DYNC2H1: variants seen among roughly 807,000 people sequenced by gnomAD.
DYNC2H1 encodes the protein cytoplasmic dynein 2 heavy chain 1.
Under a neutral mutation model 570.0 loss-of-function variants are expected in DYNC2H1, and 410 were observed. That is an observed-to-expected ratio of 0.72 (90% CI 0.66 to 0.78). The LOEUF (loss-of-function observed/expected upper bound fraction) is 0.78, where lower values mean the gene tolerates loss of function less well. Ranked by LOEUF, DYNC2H1 falls within the 30% of genes least tolerant of loss-of-function variation. DYNC2H1 has a pLI of 0.00. For missense variants in DYNC2H1, 4,865 were observed against 5,046.4 expected, an observed-to-expected ratio of 0.96 and a Z score of 1.09; for synonymous variants, 1,688 against 1,677.6, an observed-to-expected ratio of 1.01 and a Z score of -0.15.
chr11:103,207,581 G>A (rs975414019), intron 52 of DYNC2H1, among the ~76,000 whole-genome samples: 2 of 152,114 alleles, frequency 1.3e-5, no homozygotes, highest in African/African-American at 4.8e-5. Context: ...GGGAAAGAAT[G>A]AGGGAGGAGG....
chr11:103,171,405 G>A (rs555787038), intron 34 of DYNC2H1, among the ~76,000 whole-genome samples: 4 of 151,880 alleles, frequency 2.6e-5, no homozygotes, highest in African/African-American at 9.7e-5. Context: ...ACAGGTGCCC[G>A]CCACCACGCC....
intron 31 of DYNC2H1, among the ~76,000 whole-genome samples, chr11:103,166,707 AT>A (rs1408047455): frequency 6.6e-6 from 1 of 152,124 alleles, no homozygotes; most frequent in Non-Finnish European, 1.5e-5. Context: ...TTATTCTTCT[AT>A]AAGTAATACA....
rs185502802 is a variant in DYNC2H1, at chr11:103,157,337, C to T, written c.4127+567C>T. On this transcript the variant is annotated intron_variant, in intron 26 of 88. Transcript: ENST00000375735. This position sits in a 1 kb window ranked among gnomAD's most constrained non-coding sequence, Gnocchi z 4.2. ...CTGAGGTCTCCTCAACTTACATGTA[C>T]AGCCCATATTTCTCTTCTGAGCTCC... 6.6e-6 allele frequency among the ~76,000 whole-genome samples: 1 copy of T among 152,344 alleles called. No homozygotes were observed. Among genetic ancestry groups the T allele is most frequent in the Admixed American group, 6.5e-5 (1 of 15,300 alleles).
intron 54 of DYNC2H1, among the ~76,000 whole-genome samples, chr11:103,213,342 C>T (rs1468827061): frequency 6.6e-6 from 1 of 152,092 alleles, no homozygotes; most frequent in Non-Finnish European, 1.5e-5. Flanking sequence ...TAGTGAGTTA[C>T]CCCTTGCTTG....
intron 65 of DYNC2H1, among the ~76,000 whole-genome samples, chr11:103,247,295 A>C (rs1190712316): frequency 6.6e-6 from 1 of 152,016 alleles, no homozygotes; most frequent in Non-Finnish European, 1.5e-5. Flanking sequence ...TTTGTGGTTG[A>C]TTCTTTTAGT....
intron 83 of DYNC2H1, among the ~76,000 whole-genome samples, chr11:103,359,073 G>C (rs1475931435): frequency 6.6e-6 from 1 of 152,154 alleles, no homozygotes; most frequent in Non-Finnish European, 1.5e-5. Context: ...TCCAGAGTTT[G>C]GGGGAAGATT....
chr11:103,376,668 GT>G (rs1941406432), intron 83 of DYNC2H1, among the ~76,000 whole-genome samples: 2 of 152,108 alleles, frequency 1.3e-5, no homozygotes, highest in Admixed American at 6.6e-5. Flanking sequence ...TGTAGCTGCT[GT>G]TTTTTCACCA....
rs1945183227 is a variant in DYNC2H1, at chr11:103,465,993, ATGTT to A, written c.12649-2593_12649-2590del. ...AGGGGTGCATATTAGGAGGAGAGGAATGTTTGACCATATTTTTCACTGTGTCACA... is the reference window on the plus strand; with the variant it reads ...AGGGGTGCATATTAGGAGGAGAGGAATGACCATATTTTTCACTGTGTCACA... On this transcript the variant is annotated intron_variant, in intron 87 of 88. Coordinates refer to ENST00000375735, the MANE Select transcript of DYNC2H1 (RefSeq NM_001377.3). This position sits in a 1 kb window ranked among gnomAD's most constrained non-coding sequence, Gnocchi z 4.9. Among the ~76,000 whole-genome samples the A allele has an allele frequency of 1.3e-5, 2 of 152,158 alleles. No individual in the cohort carries two copies. Among genetic ancestry groups the A allele is most frequent in the South Asian group, 4.1e-4 (2 of 4,830 alleles).
At chr11:103,386,835 A>AT (rs1357343025) in intron 83 of DYNC2H1, among the ~76,000 whole-genome samples, 1 of 151,974 alleles carries the variant, frequency 6.6e-6, no homozygotes, top group African/African-American at 2.4e-5. Context: ...TGAACTCATC[A>AT]TTTTTTGTGG....
At chr11:103,408,581 C>T (rs1163931661) in intron 84 of DYNC2H1, among the ~76,000 whole-genome samples, 1 of 151,962 alleles carries the variant, frequency 6.6e-6, no homozygotes, top group Non-Finnish European at 1.5e-5. Flanking sequence ...TAGATAGAAA[C>T]CGACCTGGAT....
chr11:103,307,755 G>T lies in DYNC2H1; in HGVS notation c.11417G>T (p.Arg3806Leu). 6.2e-7 allele frequency: 1 copy of T among 1,604,418 alleles called. No individual in the cohort carries two copies. Among genetic ancestry groups the T allele is most frequent in the South Asian group, 1.1e-5 (1 of 89,244 alleles). Residue 3806 changes from arginine (R) to leucine (L), a missense_variant, in exon 78 of 89, where the codon CGT becomes CTT. Arg to Leu is a moderately radical substitution (Grantham distance 102). This residue lies in a region of DYNC2H1 where 2,401 missense variants were observed against 2,454.6 expected (regional missense o/e 0.98). Transcript: ENST00000375735. ...LNTLQPKDTF[R>L]LWLTAEVHPN... is the part of the protein sequence containing the mutation. ...ACTCTTCAACCTAAAGATACCTTTC[G>T]TCTTTGGCTCACTGCAGAAGTTCAT... is the stretch of plus-strand genomic sequence containing the variant.
intron 82 of DYNC2H1, among the ~76,000 whole-genome samples, chr11:103,344,684 A>G (rs984758066): frequency 1.3e-5 from 2 of 152,114 alleles, no homozygotes; most frequent in Non-Finnish European, 2.9e-5. Flanking sequence ...TATTCTCCTT[A>G]ACCTGCTTTG....
rs66900119 is a variant in DYNC2H1, at chr11:103,332,300, G to GA, written c.12039+8317dup. Among the ~76,000 whole-genome samples, 177 of 95,524 alleles carry GA rather than the reference G, an allele frequency of 1.9e-3. 1 individual carries two copies. The highest frequency in any genetic ancestry group is 5.9e-3 in the African/African-American group (158 of 26,566). The allele number at this position is 95,524 out of a possible 152,430, so 62.7% of individuals were successfully genotyped here. A position where few individuals can be genotyped will look rare whatever the true frequency, so the allele number is the denominator to read the frequency against. Reference sequence around the variant, plus strand: ...AGTTACCCAAACTGAAACATAAGGAGAAAAAAACTGGGAAAAAAAAAAAAA... The same window carrying GA: ...AGTTACCCAAACTGAAACATAAGGAGAAAAAAAACTGGGAAAAAAAAAAAAA... On this transcript the variant is annotated intron_variant, in intron 82 of 88. Transcript: ENST00000375735.
chr11:103,168,215 A>G (rs1033393859), intron 31 of DYNC2H1, among the ~76,000 whole-genome samples: 1 of 152,164 alleles, frequency 6.6e-6, no homozygotes. Context: ...TGGGATAGCT[A>G]GCAGAAGACC....
At chr11:103,411,641 T>G (rs1030874455) in intron 84 of DYNC2H1, among the ~76,000 whole-genome samples, 1 of 152,104 alleles carries the variant, frequency 6.6e-6, no homozygotes, top group South Asian at 2.1e-4. Context: ...CTTAATTATA[T>G]GAAACAATTT....
At chr11:103,118,416 A>C (rs926959756) in intron 6 of DYNC2H1, among the ~76,000 whole-genome samples, 5 of 152,112 alleles carry the variant, frequency 3.3e-5, no homozygotes, top group African/African-American at 9.7e-5. Context: ...TAAAAAGTAA[A>C]ATAGTATAAT....
chr11:103,111,259 G>A lies in DYNC2H1; in HGVS notation c.195+1490G>A, dbSNP rs1193856294. On this transcript the variant is annotated intron_variant, in intron 1 of 88. Coordinates refer to ENST00000375735, the MANE Select transcript of DYNC2H1 (RefSeq NM_001377.3). ...CAAGGCACTTTGCCAGGCATGATGG[G>A]TTTACAAAGATATAAAAAGGATGGA... is the stretch of plus-strand genomic sequence containing the variant. Among the ~76,000 whole-genome samples the A allele has an allele frequency of 3.3e-5, 5 of 152,150 alleles. 1 individual carries two copies. The highest frequency in any genetic ancestry group is 1.3e-4 in the Admixed American group (2 of 15,272).
At chr11:103,227,058 C>G (rs1026973386) in intron 59 of DYNC2H1, among the ~76,000 whole-genome samples, 2 of 152,046 alleles carry the variant, frequency 1.3e-5, no homozygotes, top group African/African-American at 4.8e-5. Flanking sequence ...TCTAATTGAG[C>G]TAATTTGTAT....
At position 103,168,954 on chromosome 11, in the gene DYNC2H1, A is replaced by T. The variant is rs751762562; in HGVS notation, c.4962A>T (p.Glu1654Asp). ...MVDSEFQYTY[E>D]YQGNASKLVY... ...ATTCTGAATTTCAGTATACTTATGA[A>T]TATCAGGTATGAGTTGTGGCAGTGT... Residue 1654 changes from glutamate to aspartate, a missense_variant, in exon 32 of 89, where the codon GAA becomes GAT. Physicochemically the swap from Glu to Asp is conservative, Grantham distance 45. Transcript: ENST00000375735. The T allele has an allele frequency of 5.0e-6, 8 of 1,609,126 alleles. No homozygotes were observed. The Admixed American group carries it at 1.3e-4, about 27-fold the overall frequency.
Sources: gnomAD v4.1 joint callset for allele counts (sites outside exome capture counted in the v4.1 genomes callset) on GRCh38, gnomAD v4.1.1 for gene constraint, gnomAD v4.1.1 regional missense constraint, Gnocchi (gnomAD v3.1) non-coding constraint, MANE v1.5 for transcripts, NCBI Gene and HGNC (gene_info 2026-07-23, HGNC 2026-07-21) for gene names.